Variants in CEP57L1 observed in about 807,000 individuals in gnomAD.
The protein encoded by CEP57L1 is centrosomal protein 57 like 1, also known as centrosomal protein CEP57L1.
A neutral mutation model predicts 61.0 loss-of-function variants in CEP57L1; 37 were observed. That is an observed-to-expected ratio of 0.61 (90% confidence interval 0.47 to 0.80). CEP57L1 has a LOEUF of 0.80. Ranked by LOEUF, CEP57L1 falls within the 30% of genes least tolerant of loss-of-function variation. The pLI, the probability that CEP57L1 is intolerant of heterozygous loss-of-function variation, is 0.00. For missense variants in CEP57L1, 422 were observed against 524.7 expected (o/e 0.80, Z 1.91); for synonymous variants, 137 against 162.3 (o/e 0.84, Z 1.19).
intron 3 of CEP57L1, among the ~76,000 whole-genome samples, chr6:109,147,578 T>G (rs1391368008): frequency 6.6e-6 from 1 of 152,112 alleles, no homozygotes; most frequent in African/African-American, 2.4e-5. Flanking sequence ...AGAAGTAGAA[T>G]GAACAAATGG....
rs751783906 is a variant in CEP57L1, at chr6:109,160,677, AG to A, written c.1124del (p.Gly375GlufsTer7). 1.1e-5 allele frequency: 18 copies of A among 1,607,614 alleles called. No homozygotes were observed. Among genetic ancestry groups the A allele is most frequent in the Non-Finnish European group, 1.4e-5 (17 of 1,177,786 alleles). ...GTTTACTCAAGAAAATGGAAATTAA[AG>A]GAGAACAAATCTCCAAACTGAAGAA... ...ECLLKKMEIKGEQISKLKKHQ... is the reference protein window; with the variant it reads ...ECLLKKMEIKXEQISKLKKHQ... On this transcript the variant is annotated frameshift_variant, in exon 10 of 11. Transcript: ENST00000517392. LOFTEE classifies it high-confidence loss of function.
chr6:109,162,965 C>A lies in CEP57L1; in HGVS notation c.1378C>A (p.Gln460Lys). The change falls in exon 11 of 11, where the codon CAG becomes AAG. Residue 460 changes from glutamine to lysine, a missense_variant. Coordinates refer to ENST00000517392, the MANE Select transcript of CEP57L1 (RefSeq NM_001271852.3). ...KLRRDDIMWE[Q>K] ...GAGAAGAGATGATATCATGTGGGAA[C>A]AGTAACAAAACAGCAAAACTGTCAC... is the stretch of plus-strand genomic sequence containing the variant. 6.2e-7 allele frequency: 1 copy of A among 1,604,928 alleles called. No homozygotes were observed. Among genetic ancestry groups the A allele is most frequent in the Non-Finnish European group, 8.5e-7 (1 of 1,173,218 alleles).
intron 1 of CEP57L1, among the ~76,000 whole-genome samples, chr6:109,114,422 A>G (rs1772037948): frequency 6.6e-6 from 1 of 151,992 alleles, no homozygotes; most frequent in Admixed American, 6.6e-5. Flanking sequence ...TTGTTATTTC[A>G]TAGTTTGAGT....
chr6:109,162,240 T>C lies in CEP57L1; in HGVS notation c.1162-509T>C, dbSNP rs568323888. On this transcript the variant is annotated intron_variant, in intron 10 of 10. Coordinates refer to ENST00000517392, the MANE Select transcript of CEP57L1 (RefSeq NM_001271852.3). ...ATATATATACATATACACATACATA[T>C]GCACATGTGTGTGTATAACTTTCAA... Among the ~76,000 whole-genome samples, 15 of 152,220 alleles carry C rather than the reference T, an allele frequency of 9.9e-5. 1 individual carries two copies. The highest frequency in any genetic ancestry group is 2.1e-4 in the Non-Finnish European group (14 of 67,980).
At chr6:109,134,397 T>C (rs1388912262) in intron 1 of CEP57L1, among the ~76,000 whole-genome samples, 1 of 152,174 alleles carries the variant, frequency 6.6e-6, no homozygotes, top group African/African-American at 2.4e-5. Context: ...AAATTAGGTA[T>C]TGATGGGACG....
chr6:109,133,834 C>T (rs1055220219), intron 1 of CEP57L1, among the ~76,000 whole-genome samples: 3 of 152,186 alleles, frequency 2.0e-5, no homozygotes, highest in Admixed American at 2.0e-4. Context: ...AATTCCTCGA[C>T]ACATACACCC....
intron 7 of CEP57L1, 74 bp downstream of exon 7, chr6:109,155,951 C>T (rs1773178008): frequency 4.7e-6 from 3 of 639,992 alleles, no homozygotes; most frequent in Admixed American, 3.5e-5. Flanking sequence ...ATCCTTATAC[C>T]TACCCCTTTC....
chr6:109,105,609 T>A (rs1409513399), intron 1 of CEP57L1, among the ~76,000 whole-genome samples: 1 of 152,194 alleles, frequency 6.6e-6, no homozygotes, highest in East Asian at 1.9e-4. Context: ...AGAAAAACAG[T>A]ACCATCTTTT....
At chr6:109,104,759 T>A (rs1460033354) in intron 1 of CEP57L1, among the ~76,000 whole-genome samples, 1 of 151,370 alleles carries the variant, frequency 6.6e-6, no homozygotes, top group African/African-American at 2.4e-5. Context: ...ATTAAAAAAT[T>A]TTTTTTTTGT....
At chr6:109,145,989 T>C (rs1771920627) in intron 2 of CEP57L1, among the ~76,000 whole-genome samples, 2 of 151,900 alleles carry the variant, frequency 1.3e-5, no homozygotes, top group Non-Finnish European at 2.9e-5. Flanking sequence ...TAAACTAGTT[T>C]TGTGGAATAA....
chr6:109,139,892 A>G (rs1364870151), intron 1 of CEP57L1, among the ~76,000 whole-genome samples: 2 of 151,956 alleles, frequency 1.3e-5, no homozygotes, highest in Non-Finnish European at 2.9e-5. Context: ...TCACCCTCCC[A>G]AAGTGCTGGG....
rs367777684 is a variant in CEP57L1 at position 109,171,379 on chromosome 6, C to T, written c.*8409C>T. ...TCAGCCTCCCAAGTAGCTGGGATTA[C>T]AGGCATGCGTCACCACACCCGGCTG... On this transcript the variant is annotated 3_prime_UTR_variant, in exon 11 of 11. Transcript: ENST00000517392. Among the ~76,000 whole-genome samples, 17 of 151,856 alleles carry T rather than the reference C, an allele frequency of 1.1e-4. No individual in the cohort carries two copies. Among genetic ancestry groups the T allele is most frequent in the South Asian group, 1.0e-3 (5 of 4,812 alleles).
rs1430967092 is a variant in CEP57L1, at chr6:109,166,376, A to G, written c.*3406A>G. Among the ~76,000 whole-genome samples, 4 of 147,450 alleles carry G rather than the reference A, an allele frequency of 2.7e-5. No individual in the cohort carries two copies. Among genetic ancestry groups the G allele is most frequent in the African/African-American group, 5.0e-5 (2 of 39,904 alleles). On this transcript the variant is annotated 3_prime_UTR_variant, in exon 11 of 11. Coordinates refer to ENST00000517392, the MANE Select transcript of CEP57L1 (RefSeq NM_001271852.3). ...AAAGTGTAATTTTAACTATAAATGT[A>G]TATTCTTTTTTTTTTTTTTTTGGTG...
chr6:109,169,901 T>G lies in CEP57L1; in HGVS notation c.*6931T>G, dbSNP rs556594563. On this transcript the variant is annotated 3_prime_UTR_variant, in exon 11 of 11. Transcript: ENST00000517392. ...TAAAAACCTGATAATACCACCAATG[T>G]AGTACTCTTTAAAAACATGTCATCT... is the stretch of plus-strand genomic sequence containing the variant. 1.3e-4 allele frequency among the ~76,000 whole-genome samples: 20 copies of G among 152,214 alleles called. No individual in the cohort carries two copies. The highest frequency in any genetic ancestry group is 2.9e-4 in the Non-Finnish European group (20 of 68,036).
upstream of CEP57L1, chr6:109,095,293 C>T (rs1781547369): frequency 8.1e-6 from 8 of 985,782 alleles, no homozygotes; most frequent in South Asian, 4.7e-5. Context: ...ACACATAAAA[C>T]AAGCACGACA....
At chr6:109,162,320 A>G (rs1400967849) in intron 10 of CEP57L1, among the ~76,000 whole-genome samples, 1 of 152,092 alleles carries the variant, frequency 6.6e-6, no homozygotes, top group African/African-American at 2.4e-5. Context: ...ATGTTACCTG[A>G]AAGGTTCTTC....
At position 109,146,662 on chromosome 6, in the gene CEP57L1, G is replaced by A. The variant is rs539681984; in HGVS notation, c.161-96G>A. On this transcript the variant is annotated intron_variant, in intron 2 of 10. Transcript: ENST00000517392. ...ATTACTTGTACATTTTTCTGGCTCAGTAACAAAAATATACTGCTTATTTTT... is the reference window on the plus strand; with the variant it reads ...ATTACTTGTACATTTTTCTGGCTCAATAACAAAAATATACTGCTTATTTTT... 3.7e-6 allele frequency: 3 copies of A among 806,016 alleles called. No individual in the cohort carries two copies. The South Asian group carries it at 6.4e-5, about 17-fold the overall frequency. The allele number at this position is 806,016 out of a possible 1,614,324, so 49.9% of individuals were successfully genotyped here.
chr6:109,153,583 AT>A (rs1361169228), intron 4 of CEP57L1, among the ~76,000 whole-genome samples: 1 of 151,094 alleles, frequency 6.6e-6, no homozygotes, highest in African/African-American at 2.4e-5. Context: ...AAAGTGTTTG[AT>A]TTTCAGAAAA....
intron 1 of CEP57L1, among the ~76,000 whole-genome samples, chr6:109,111,554 A>G (rs549665949): frequency 8.5e-5 from 13 of 152,282 alleles, no homozygotes; most frequent in Admixed American, 7.8e-4. Context: ...AACTTCCAAT[A>G]CTATGTTGGA....
Sources: allele counts gnomAD v4.1 joint callset (sites outside exome capture counted in the v4.1 genomes callset), GRCh38; gene constraint gnomAD v4.1.1; transcripts MANE v1.5; gene names NCBI Gene and HGNC (gene_info 2026-07-23, HGNC 2026-07-21).